Variants in MAPK4 observed in about 807,000 individuals in gnomAD.
MAPK4 encodes the protein mitogen-activated protein kinase 4.
MAPK4 carries 22 observed loss-of-function variants against 47.7 expected under a neutral mutation model. The ratio of observed to expected loss-of-function variants is 0.46; its 90% confidence interval spans 0.33 to 0.66. MAPK4 has a LOEUF of 0.66. Among genes scored for constraint, MAPK4 ranks in the 30% least tolerant of loss-of-function variants. The probability of loss-of-function intolerance (pLI) is 0.02; values close to 1 mark genes in which losing one functional copy is unlikely to be tolerated. For synonymous variants in MAPK4, 390 were observed against 365.7 expected (o/e 1.07, Z -0.76); for missense variants, 736 against 831.7 (o/e 0.88, Z 1.42).
chr18:50,729,281 G>T lies in MAPK4; in HGVS notation c.1191G>T (p.Pro397=). The T allele has an allele frequency of 6.2e-7, 1 of 1,609,286 alleles. No homozygotes were observed. Among genetic ancestry groups the T allele is most frequent in the Non-Finnish European group, 8.5e-7 (1 of 1,177,804 alleles). ...TGGCTGAGGACGTGCAGGTGGACCC[G>T]CGCAAGGACTCGCACAGCAGCTCCG... The part of the protein sequence containing the change: ...APLAEDVQVD[P]RKDSHSSSER... The change falls in exon 6 of 6, where the codon CCG becomes CCT. Residue 397 remains proline (P), a synonymous_variant. Coordinates refer to ENST00000400384, the MANE Select transcript of MAPK4 (RefSeq NM_002747.4).
chr18:50,699,586 A>G (rs1232882533), intron 2 of MAPK4, among the ~76,000 whole-genome samples: 1 of 152,228 alleles, frequency 6.6e-6, no homozygotes, highest in Admixed American at 6.5e-5. Context: ...TAGCACCCAA[A>G]TGATATTTGG....
intron 1 of MAPK4, among the ~76,000 whole-genome samples, chr18:50,610,258 G>A (rs749560495): frequency 5.9e-5 from 9 of 152,248 alleles, no homozygotes; most frequent in Admixed American, 3.9e-4. Flanking sequence ...GCTTGGAGAA[G>A]TGGGGCTCAT....
chr18:50,629,121 T>G (rs955700258), intron 1 of MAPK4, among the ~76,000 whole-genome samples: 2 of 152,206 alleles, frequency 1.3e-5, no homozygotes, highest in Non-Finnish European at 2.9e-5. Flanking sequence ...CAAGAGTAAG[T>G]GCTCACATTC....
intron 1 of MAPK4, among the ~76,000 whole-genome samples, chr18:50,611,759 C>T (rs985800889): frequency 5.3e-5 from 8 of 152,152 alleles, no homozygotes; most frequent in Non-Finnish European, 7.4e-5. Flanking sequence ...CACCTGCCCA[C>T]GTCAGCAAGA....
At position 50,560,130 on chromosome 18, in the gene MAPK4, C is replaced by G. The variant is rs992372795; in HGVS notation, c.-984C>G. 2.0e-5 allele frequency: 3 copies of G among 149,274 alleles called. No individual in the cohort carries two copies. The highest frequency in any genetic ancestry group is 7.3e-5 in the African/African-American group (3 of 41,192). 9.2% of individuals were successfully genotyped at this position (149,274 alleles called of 1,614,324 possible). ...GCGAGCCGGGCTGTCGGGGCGACCGCGGGAGCTCGCCGTGCGCCGTGGCTG... is the reference window on the plus strand; with the variant it reads ...GCGAGCCGGGCTGTCGGGGCGACCGGGGGAGCTCGCCGTGCGCCGTGGCTG... On this transcript the variant is annotated 5_prime_UTR_variant, in exon 1 of 6. Transcript: ENST00000400384.
chr18:50,721,334 T>G (rs113982066), intron 3 of MAPK4, among the ~76,000 whole-genome samples: 1 of 152,328 alleles, frequency 6.6e-6, no homozygotes, highest in African/African-American at 2.4e-5. Flanking sequence ...AATGAGGGAA[T>G]AAATGAATGT....
intron 2 of MAPK4, among the ~76,000 whole-genome samples, chr18:50,688,247 G>A (rs911255318): frequency 1.3e-5 from 2 of 152,202 alleles, no homozygotes; most frequent in Admixed American, 6.5e-5. Flanking sequence ...GCAGGAGCCA[G>A]TGCAACTGAA....
intron 1 of MAPK4, among the ~76,000 whole-genome samples, chr18:50,596,408 A>T (rs1322878836): frequency 6.6e-6 from 1 of 152,160 alleles, no homozygotes; most frequent in Non-Finnish European, 1.5e-5. Flanking sequence ...TTACAATAGC[A>T]TGAGCCTAGG....
At chr18:50,729,082 G>A in intron 5 of MAPK4, 76 bp from the exon 6 acceptor site, 1 of 1,291,482 alleles carries the variant, frequency 7.7e-7, no homozygotes, top group Non-Finnish European at 1.1e-6. Flanking sequence ...GGCAAACAGG[G>A]ATTAGAGGGC....
intron 2 of MAPK4, among the ~76,000 whole-genome samples, chr18:50,710,490 T>C (rs533166148): frequency 1.1e-4 from 16 of 142,174 alleles, no homozygotes; most frequent in South Asian, 1.1e-3. Context: ...CTCAAATAAA[T>C]AAATAGGCCA....
intron 1 of MAPK4, among the ~76,000 whole-genome samples, chr18:50,644,728 A>T (rs901468975): frequency 6.6e-6 from 1 of 152,232 alleles, no homozygotes; most frequent in African/African-American, 2.4e-5. Context: ...ATCTTAGTAG[A>T]AAATGGCTGA....
chr18:50,663,547 T>C lies in MAPK4; in HGVS notation c.-412T>C, dbSNP rs1348667450. On this transcript the variant is annotated 5_prime_UTR_variant, in exon 2 of 6. Transcript: ENST00000400384. ...CCAGAAAGAGCCTCTTGTAACAAAGTATTCAAAGGGGAGAGTTTCTGCATC... is the reference window on the plus strand; with the variant it reads ...CCAGAAAGAGCCTCTTGTAACAAAGCATTCAAAGGGGAGAGTTTCTGCATC... The C allele has an allele frequency of 6.4e-6, 1 of 156,904 alleles. No individual in the cohort carries two copies. Among genetic ancestry groups the C allele is most frequent in the Non-Finnish European group, 1.4e-5 (1 of 71,174 alleles). 9.7% of individuals were successfully genotyped at this position (156,904 alleles called of 1,614,324 possible). A position where few individuals can be genotyped will look rare whatever the true frequency, so the allele number is the denominator to read the frequency against.
intron 1 of MAPK4, among the ~76,000 whole-genome samples, chr18:50,631,241 T>C (rs9959686): frequency 0.48 from 72,783 of 152,008 alleles, 17,668 homozygotes; most frequent in Middle Eastern, 0.59. Context: ...AGTTCTGAAA[T>C]GGCTCCTTAA....
At chr18:50,596,630 TG>T (rs1308061418) in intron 1 of MAPK4, among the ~76,000 whole-genome samples, 3 of 152,200 alleles carry the variant, frequency 2.0e-5, no homozygotes, top group African/African-American at 4.8e-5. Context: ...TAGCATCCAT[TG>T]GCCATAAGGT....
At chr18:50,565,249 A>G (rs899621975) in intron 1 of MAPK4, among the ~76,000 whole-genome samples, 11 of 152,222 alleles carry the variant, frequency 7.2e-5, no homozygotes, top group African/African-American at 2.7e-4. Flanking sequence ...GAACTTCTGT[A>G]TCGTCAGCAG....
chr18:50,588,628 C>T (rs2042408871), intron 1 of MAPK4, among the ~76,000 whole-genome samples: 1 of 152,184 alleles, frequency 6.6e-6, no homozygotes, highest in African/African-American at 2.4e-5. Flanking sequence ...TATCTCAGCT[C>T]ACTGCAGCCT....
chr18:50,724,452 A>C lies in MAPK4; in HGVS notation c.854-1510A>C, dbSNP rs899644424. Among the ~76,000 whole-genome samples, 17 of 152,358 alleles carry C rather than the reference A, an allele frequency of 1.1e-4. 2 individuals are homozygous for C. The South Asian group carries it at 3.5e-3, about 32-fold the overall frequency. On this transcript the variant is annotated intron_variant, in intron 4 of 5. Coordinates refer to ENST00000400384, the MANE Select transcript of MAPK4 (RefSeq NM_002747.4). ...GTCAAGTCATGGCTGGGGCCAAAAA[A>C]GGGGCCAGAGGCCCAAAGAGAGAAA...
At chr18:50,596,125 T>C (rs993125076) in intron 1 of MAPK4, among the ~76,000 whole-genome samples, 4 of 152,202 alleles carry the variant, frequency 2.6e-5, no homozygotes, top group Non-Finnish European at 5.9e-5. Flanking sequence ...TGTTCACCCA[T>C]TCAATTCTCA....
At position 50,730,091 on chromosome 18, in the gene MAPK4, A is replaced by C; in HGVS notation, c.*237A>C. The C allele has an allele frequency of 4.8e-6, 2 of 413,746 alleles. No homozygotes were observed. The highest frequency in any genetic ancestry group is 8.6e-6 in the Non-Finnish European group (2 of 232,982). The allele number at this position is 413,746 out of a possible 1,614,324, so 25.6% of individuals were successfully genotyped here. On this transcript the variant is annotated 3_prime_UTR_variant, in exon 6 of 6. Transcript: ENST00000400384. ...CTTAGGGGTTGATCACTTTCCTAGCAAAGGGGAGACCACATGTGGTGCACA... is the reference window on the plus strand; with the variant it reads ...CTTAGGGGTTGATCACTTTCCTAGCCAAGGGGAGACCACATGTGGTGCACA...
Sources: allele counts gnomAD v4.1 joint callset (sites outside exome capture counted in the v4.1 genomes callset), GRCh38; gene constraint gnomAD v4.1.1; transcripts MANE v1.5; gene names NCBI Gene and HGNC (gene_info 2026-07-23, HGNC 2026-07-21).